The following XPC variants were observed in gnomAD, a reference collection of about 807,000 sequenced individuals.
XPC encodes the protein DNA repair protein complementing XP-C cells.
A neutral mutation model predicts 95.8 loss-of-function variants in XPC; 76 were observed. The observed-to-expected ratio is 0.79, with a 90% CI of 0.66 to 0.96. The LOEUF (loss-of-function observed/expected upper bound fraction) is 0.96. Among genes scored for constraint, XPC ranks in the 40% least tolerant of loss-of-function variants. The pLI, the probability that XPC is intolerant of heterozygous loss-of-function variation, is 0.00. For missense variants in XPC, 1,146 were observed against 1,179.8 expected, an observed-to-expected ratio of 0.97 and a Z score of 0.42; for synonymous variants, 442 against 442.1, an observed-to-expected ratio of 1.00 and a Z score of 0.00.
intron 10 of XPC, among the ~76,000 whole-genome samples, chr3:14,155,677 C>G (rs1695874197): frequency 6.6e-6 from 1 of 152,118 alleles, no homozygotes; most frequent in Admixed American, 6.5e-5. Flanking sequence ...CCTGCCTCAG[C>G]CTCTCCGAGT....
At chr3:14,174,150 G>A (rs771539245) in intron 1 of XPC, among the ~76,000 whole-genome samples, 5 of 152,012 alleles carry the variant, frequency 3.3e-5, no homozygotes, top group South Asian at 4.1e-4. Context: ...CATTGATTCC[G>A]TTGTTTCTTT....
intron 6 of XPC, 51 bp downstream of exon 6, chr3:14,165,377 A>G (rs1324588387): frequency 2.1e-5 from 32 of 1,520,772 alleles, no homozygotes; most frequent in Non-Finnish European, 2.7e-5. Context: ...CCTCTGAGAG[A>G]AACACAAATC....
chr3:14,169,376 C>T (rs891596202), intron 3 of XPC, among the ~76,000 whole-genome samples: 1 of 152,200 alleles, frequency 6.6e-6, no homozygotes, highest in Non-Finnish European at 1.5e-5. Context: ...AAGTTTAACA[C>T]CACCATGAGA....
rs1477376435 is a variant in XPC at position 14,148,347 on chromosome 3, T to A, written c.2420+215A>T. ...CCTAAACCTGGGAAGAACGTTTTAA[T>A]CCAGCATTACGATGCCAGTTTCATT... On this transcript the variant is annotated intron_variant, in intron 13 of 15. Coordinates refer to ENST00000285021, the MANE Select transcript of XPC (RefSeq NM_004628.5). The A allele has an allele frequency of 1.8e-5, 12 of 680,824 alleles. No homozygotes were observed. In the Middle Eastern group the frequency reaches 4.5e-3, roughly 255 times the overall value. 42.2% of individuals were successfully genotyped at this position (680,824 alleles called of 1,614,324 possible).
rs941986770 is a variant in XPC at position 14,159,892 on chromosome 3, A to G, written c.901-62T>C. 6 of 1,477,370 alleles carry G rather than the reference A, an allele frequency of 4.1e-6. No individual in the cohort carries two copies. In the African/African-American group the frequency reaches 4.2e-5, roughly 10 times the overall value. The allele number at this position is 1,477,370 out of a possible 1,614,324, so 91.5% of individuals were successfully genotyped here. ...AGTAATTAAAGATGTAATGAGTTCAATGTTGTTTGTTATGGTGCTTGTTCA... is the reference window on the plus strand; with the variant it reads ...AGTAATTAAAGATGTAATGAGTTCAGTGTTGTTTGTTATGGTGCTTGTTCA... On this transcript the variant is annotated intron_variant, in intron 7 of 15. Coordinates refer to ENST00000285021, the MANE Select transcript of XPC (RefSeq NM_004628.5).
In XPC at chr3:14,154,288, G is replaced by GCAAA. The variant is rs371069210; in HGVS notation, c.2034-1876_2034-1873dup. 6.1e-4 allele frequency among the ~76,000 whole-genome samples: 93 copies of GCAAA among 152,220 alleles called. 2 individuals carry two copies. The highest frequency in any genetic ancestry group is 9.2e-4 in the Admixed American group (14 of 15,290). ...GGCCTAGTAATTGTACTGGGTATAT[G>GCAAA]CAAACAAACAAACAAACAAACAAAA... On this transcript the variant is annotated intron_variant, in intron 10 of 15. Coordinates refer to ENST00000285021, the MANE Select transcript of XPC (RefSeq NM_004628.5).
At chr3:14,178,188 A>G (rs1696914155) in intron 1 of XPC, among the ~76,000 whole-genome samples, 1 of 152,360 alleles carries the variant, frequency 6.6e-6, no homozygotes, top group Non-Finnish European at 1.5e-5. Context: ...TCCGAGTTCA[A>G]CCCTGAACAT....
intron 7 of XPC, among the ~76,000 whole-genome samples, chr3:14,163,915 G>A (rs1436739924): frequency 6.6e-6 from 1 of 152,204 alleles, no homozygotes. Context: ...CAGGCATGGT[G>A]GTGGGCACCT....
chr3:14,165,388 C>A, intron 6 of XPC, 40 bp downstream of exon 6: 1 of 1,537,646 alleles, frequency 6.5e-7, no homozygotes, highest in East Asian at 2.4e-5. Context: ...AACACAAATC[C>A]TACACTCCCC....
intron 7 of XPC, among the ~76,000 whole-genome samples, chr3:14,160,538 A>G (rs1444877187): frequency 6.6e-6 from 1 of 152,228 alleles, no homozygotes; most frequent in Non-Finnish European, 1.5e-5. Context: ...AGCCATTGTT[A>G]TGGTGAGAAA....
chr3:14,177,218 A>AT (rs1257822529), intron 1 of XPC, among the ~76,000 whole-genome samples: 1 of 152,260 alleles, frequency 6.6e-6, no homozygotes, highest in Non-Finnish European at 1.5e-5. Flanking sequence ...AAAATACAGC[A>AT]TGACAACTAT....
rs774670281 is a variant in XPC, at chr3:14,172,990, C to A, written c.176G>T (p.Gly59Val). Residue 59 changes from glycine (G) to valine (V), a missense_variant, in exon 2 of 16, where the codon GGC becomes GTC. Gly to Val is a moderately radical substitution (Grantham distance 109). Transcript: ENST00000285021. Reference protein sequence around the residue: ...SKVSQGKRKRGCSHPGGSADG... With the variant: ...SKVSQGKRKRVCSHPGGSADG... ...TGCTGAACCCCCAGGATGACTGCAG[C>A]CTCTTTTCCTCTTTCCTTGTGAAAC... The A allele has an allele frequency of 4.3e-6, 7 of 1,612,532 alleles. No homozygotes were observed. The South Asian group carries it at 7.7e-5, about 18-fold the overall frequency.
At chr3:14,149,187 A>T (rs1170513599) in intron 11 of XPC, among the ~76,000 whole-genome samples, 2 of 151,356 alleles carry the variant, frequency 1.3e-5, no homozygotes, top group Non-Finnish European at 2.9e-5. Context: ...GGGTTTAAGC[A>T]ATTCTCCTGC....
At position 14,158,121 on chromosome 3, in the gene XPC, C is replaced by T; in HGVS notation, c.1762G>A (p.Val588Ile). 6.2e-7 allele frequency: 1 copy of T among 1,614,018 alleles called. No individual in the cohort carries two copies. The highest frequency in any genetic ancestry group is 8.5e-7 in the Non-Finnish European group (1 of 1,179,902). ...CACTTGCGGGTCACTGTCATCCAGA[C>T]TGGGTCGTACCTCTGTGTGACATCT... is the stretch of plus-strand genomic sequence containing the variant. ...VRDVTQRYDPVWMTVTRKCRV... is the reference protein window; with the variant it reads ...VRDVTQRYDPIWMTVTRKCRV... Residue 588 changes from valine to isoleucine, a missense_variant, in exon 9 of 16, where the codon GTC (valine) becomes ATC (isoleucine). Physicochemically the swap from Val to Ile is conservative, Grantham distance 29. Coordinates refer to ENST00000285021, the MANE Select transcript of XPC (RefSeq NM_004628.5). This position sits in a 1 kb window ranked among gnomAD's most constrained non-coding sequence, Gnocchi z 5.2.
intron 5 of XPC, 39 bp from the exon 6 acceptor site, chr3:14,165,624 A>G (rs763345486): frequency 9.3e-6 from 15 of 1,607,204 alleles, no homozygotes; most frequent in Middle Eastern, 3.3e-4. Flanking sequence ...CATGGAAGGA[A>G]GGCCGGACAC....
chr3:14,159,788 G>C lies in XPC; in HGVS notation c.943C>G (p.Leu315Val). 2 of 1,562,480 alleles carry C rather than the reference G, an allele frequency of 1.3e-6. No individual in the cohort carries two copies. Among genetic ancestry groups the C allele is most frequent in the Non-Finnish European group, 1.7e-6 (2 of 1,153,052 alleles). Residue 315 changes from leucine (L) to valine (V), a missense_variant, in exon 8 of 16, where the codon CTG becomes GTG. Coordinates refer to ENST00000285021, the MANE Select transcript of XPC (RefSeq NM_004628.5). ...GGAATTGGCTGTAGAGACAATACCA[G>C]CCGGGTCAAGAGCTGCAGAGCCCGG... The part of the protein sequence containing the change: ...ILRALQLLTR[L>V]VLSLQPIPLK...
Position 14,158,676 on chromosome 3 carries a change from C to G in XPC, c.1207G>C (p.Glu403Gln). 6.2e-7 allele frequency: 1 copy of G among 1,613,916 alleles called. No homozygotes were observed. Among genetic ancestry groups the G allele is most frequent in the African/African-American group, 1.3e-5 (1 of 75,022 alleles). Reference sequence around the variant, plus strand: ...TTCTCCTGCTTGTCTCCTGGGCCCTCATCTTCCTCGCTGGAGGAGGGCTTG... The same window carrying G: ...TTCTCCTGCTTGTCTCCTGGGCCCTGATCTTCCTCGCTGGAGGAGGGCTTG... ...RSKPSSSEED[E>Q]GPGDKQEKAT... is the part of the protein sequence containing the mutation. The change falls in exon 9 of 16, where the codon GAG (glutamate) becomes CAG (glutamine). Residue 403 changes from glutamate (E) to glutamine (Q), a missense_variant. Physicochemically the swap from Glu to Gln is conservative, Grantham distance 29. Coordinates refer to ENST00000285021, the MANE Select transcript of XPC (RefSeq NM_004628.5). This position sits in a 1 kb window ranked among gnomAD's most constrained non-coding sequence, Gnocchi z 5.2.
rs1696337498 is a variant in XPC at position 14,165,463 on chromosome 3, A to G, written c.744T>C (p.Asp248=). The change falls in exon 6 of 16, where the codon GAT becomes GAC. Residue 248 remains aspartate (D), a synonymous_variant. Transcript: ENST00000285021. ...PARFTRVLPR[D]VDTYYLSNLV... is the part of the protein sequence containing the mutation. ...GGTTTGAGAGGTAGTAGGTGTCCAC[A>G]TCTCGAGGCAGCACTCTGGTAAAGC... 8 of 1,601,570 alleles carry G rather than the reference A, an allele frequency of 5.0e-6. No individual in the cohort carries two copies. Among genetic ancestry groups the G allele is most frequent in the African/African-American group, 1.3e-5 (1 of 74,732 alleles).
rs529867786 is a variant in XPC at position 14,157,992 on chromosome 3, C to T, written c.1872+19G>A. The T allele has an allele frequency of 1.9e-6, 3 of 1,580,452 alleles. No homozygotes were observed. The Admixed American group carries it at 5.2e-5, about 27-fold the overall frequency. On this transcript the variant is annotated intron_variant, in intron 9 of 15. Coordinates refer to ENST00000285021, the MANE Select transcript of XPC (RefSeq NM_004628.5). ...ATAACCTGACTGTGTCTTGGAGCCCCTGGCAGCCAAGGCCTTACCTCCAAG... is the reference window on the plus strand; with the variant it reads ...ATAACCTGACTGTGTCTTGGAGCCCTTGGCAGCCAAGGCCTTACCTCCAAG...
Sources: allele counts gnomAD v4.1 joint callset (sites outside exome capture counted in the v4.1 genomes callset), GRCh38; gene constraint gnomAD v4.1.1; non-coding constraint Gnocchi (gnomAD v3.1); transcripts MANE v1.5; gene names NCBI Gene and HGNC (gene_info 2026-07-23, HGNC 2026-07-21).